Variants in TENM4 observed in about 807,000 individuals in gnomAD.
TENM4 encodes teneurin-4.
In TENM4, 82 loss-of-function variants were observed where a neutral mutation model predicts 243.3. That is an observed-to-expected ratio of 0.34 (90% CI 0.28 to 0.40). The LOEUF is 0.40. Among genes scored for constraint, TENM4 ranks in the 10% least tolerant of loss-of-function variants. TENM4 has a pLI of 1.00. For synonymous variants in TENM4, 1,412 were observed against 1,456.3 expected (o/e 0.97, Z 0.69); for missense variants, 3,138 against 3,673.3 (o/e 0.85, Z 3.77).
chr11:78,742,208 C>T lies in TENM4; in HGVS notation c.2757-3638G>A, dbSNP rs955153703. Among the ~76,000 whole-genome samples the T allele has an allele frequency of 3.3e-5, 5 of 152,078 alleles. No homozygotes were observed. The South Asian group carries it at 8.3e-4, about 25-fold the overall frequency. On this transcript the variant is annotated intron_variant, in intron 19 of 33. Transcript: ENST00000278550. ...ACCACATCTCCAGAGAGGATAAGCA[C>T]GGGATGCTGCTCTCAGAGTGTTTGT...
chr11:79,274,688 G>A (rs1336245922), intron 2 of TENM4, among the ~76,000 whole-genome samples: 1 of 152,150 alleles, frequency 6.6e-6, no homozygotes, highest in African/African-American at 2.4e-5. Flanking sequence ...GGCATTTGAT[G>A]AGTCTGTTAT....
chr11:78,993,123 A>G (rs529461245), intron 6 of TENM4, among the ~76,000 whole-genome samples: 1 of 152,308 alleles, frequency 6.6e-6, no homozygotes, highest in African/African-American at 2.4e-5. Context: ...GCCTCAATGC[A>G]AGATGAATTC....
At chr11:79,069,648 G>T (rs889813165) in intron 5 of TENM4, 74 bp downstream of exon 5, 1 of 1,471,832 alleles carries the variant, frequency 6.8e-7, no homozygotes, top group Non-Finnish European at 9.0e-7. Context: ...CCTGCGCCAC[G>T]CCCACCCGAG....
chr11:79,275,035 G>A (rs1174699472), intron 2 of TENM4, among the ~76,000 whole-genome samples: 2 of 152,074 alleles, frequency 1.3e-5, no homozygotes, highest in Non-Finnish European at 2.9e-5. Flanking sequence ...TATACACTTT[G>A]GATCCCTGTA....
chr11:78,759,657 A>G (rs1203302628), intron 18 of TENM4, among the ~76,000 whole-genome samples: 1 of 152,174 alleles, frequency 6.6e-6, no homozygotes, highest in East Asian at 1.9e-4. Flanking sequence ...GTTCTTATTA[A>G]TATCTATATT....
At chr11:78,910,527 T>C (rs1856162765) in intron 6 of TENM4, among the ~76,000 whole-genome samples, 1 of 152,250 alleles carries the variant, frequency 6.6e-6, no homozygotes, top group South Asian at 2.1e-4. Context: ...ATAGCCTGAC[T>C]TCCAGTCTCA....
chr11:78,765,760 T>C (rs1297633449), intron 18 of TENM4, among the ~76,000 whole-genome samples: 4 of 152,216 alleles, frequency 2.6e-5, no homozygotes, highest in Admixed American at 6.5e-5. Flanking sequence ...TGCAACTTTG[T>C]TGTAAAGGCT....
rs1346813068 is a variant in TENM4, at chr11:78,812,225, C to A, written c.1875G>T (p.Val625=). 2 of 1,551,958 alleles carry A rather than the reference C, an allele frequency of 1.3e-6. No homozygotes were observed. Among genetic ancestry groups the A allele is most frequent in the South Asian group, 1.2e-5 (1 of 84,066 alleles). The change falls in exon 14 of 34, where the codon GTG becomes GTT. Residue 625 remains valine (V), a synonymous_variant. Coordinates refer to ENST00000278550, the MANE Select transcript of TENM4 (RefSeq NM_001098816.3). ...HSGWKGAECD[V]PTNQCIDVAC... ...CCACATCGATACACTGGTTGGTGGG[C>A]ACATCGCACTCAGCGCCTTTCCAGC... is the stretch of plus-strand genomic sequence containing the variant.
Position 78,672,132 on chromosome 11 carries a change from C to T in TENM4, c.5694G>A (p.Arg1898=). The change falls in exon 31 of 34, where the codon AGG becomes AGA. Residue 1898 remains arginine (R), a synonymous_variant. Transcript: ENST00000278550. Reference sequence around the variant, plus strand: ...ATTCCATTCTTTCAGACATGATGCCCCTCTGGATGCCAGCAATGTAACCCC... The same window carrying T: ...ATTCCATTCTTTCAGACATGATGCCTCTCTGGATGCCAGCAATGTAACCCC... The part of the protein sequence containing the change: ...SPGGYIAGIQ[R]GIMSERMEYD... 2 of 1,613,892 alleles carry T rather than the reference C, an allele frequency of 1.2e-6. No individual in the cohort carries two copies. The highest frequency in any genetic ancestry group is 1.7e-6 in the Non-Finnish European group (2 of 1,179,840).
rs1254149826 is a variant in TENM4 at position 79,064,799 on chromosome 11, C to A, written c.432G>T (p.Leu144=). ...RSTRSGRSSC[L]SSRANSNLTL... ...TGAGATTGGAATTGGCCCGGCTGGA[C>A]AGGCAGGAGCTGCGCCCTGACCGTG... Residue 144 remains leucine (L), a synonymous_variant, in exon 6 of 34, where the codon CTG becomes CTT. Coordinates refer to ENST00000278550, the MANE Select transcript of TENM4 (RefSeq NM_001098816.3). 1.3e-6 allele frequency: 2 copies of A among 1,551,602 alleles called. No individual in the cohort carries two copies. The highest frequency in any genetic ancestry group is 1.4e-5 in the African/African-American group (1 of 73,164).
At chr11:79,225,206 G>A (rs75703842) in intron 2 of TENM4, among the ~76,000 whole-genome samples, 7 of 152,256 alleles carry the variant, frequency 4.6e-5, no homozygotes, top group African/African-American at 9.6e-5. Context: ...ACTTTGTTCC[G>A]TCAGCCCTAG....
At chr11:79,185,301 CA>C (rs1863361339) in intron 3 of TENM4, among the ~76,000 whole-genome samples, 1 of 151,308 alleles carries the variant, frequency 6.6e-6, no homozygotes, top group Admixed American at 6.6e-5. Flanking sequence ...CCCTGTCTCA[CA>C]AAAAACTACA....
chr11:79,117,920 G>T (rs927697028), intron 4 of TENM4, among the ~76,000 whole-genome samples: 13 of 152,098 alleles, frequency 8.5e-5, no homozygotes, highest in African/African-American at 2.9e-4. Context: ...CCTGCGCAGG[G>T]AACACACATA....
At chr11:78,814,891 C>T (rs1215293042) in intron 12 of TENM4, among the ~76,000 whole-genome samples, 4 of 152,202 alleles carry the variant, frequency 2.6e-5, no homozygotes, top group Admixed American at 6.5e-5. Flanking sequence ...AGGTCCCCAC[C>T]GTCTCTCACT....
chr11:78,977,509 G>A (rs1565151888), intron 6 of TENM4, among the ~76,000 whole-genome samples: 2 of 152,204 alleles, frequency 1.3e-5, no homozygotes, highest in African/African-American at 2.4e-5. Flanking sequence ...GCAAATCCAG[G>A]TCTGACTCCA....
At position 78,670,146 on chromosome 11, in the gene TENM4, G is replaced by T. The variant is rs766812511; in HGVS notation, c.6199C>A (p.Gln2067Lys). ...CCTTCCTCAGTGAAGCGGAAGATCT[G>T]TCGGTCAATCAGGGGCCCAATCTGA... ...YRQIGPLIDR[Q>K]IFRFTEEGMV... Residue 2067 changes from glutamine to lysine, a missense_variant, in exon 32 of 34, where the codon CAG becomes AAG. Gln to Lys is a moderately conservative substitution (Grantham distance 53). Coordinates refer to ENST00000278550, the MANE Select transcript of TENM4 (RefSeq NM_001098816.3). The T allele has an allele frequency of 6.2e-7, 1 of 1,613,834 alleles. No individual in the cohort carries two copies. Among genetic ancestry groups the T allele is most frequent in the East Asian group, 2.2e-5 (1 of 44,888 alleles).
Position 78,698,404 on chromosome 11 carries a change from A to AAACCAACC in TENM4, c.5087+3114_5087+3121dup, listed in dbSNP as rs375751143. 6.9e-3 allele frequency among the ~76,000 whole-genome samples: 1,048 copies of AAACCAACC among 151,870 alleles called. 8 individuals carry two copies. The highest frequency in any genetic ancestry group is 0.023 in the African/African-American group (957 of 41,304). On this transcript the variant is annotated intron_variant, in intron 28 of 33. Coordinates refer to ENST00000278550, the MANE Select transcript of TENM4 (RefSeq NM_001098816.3). ...TCCATTTCAAAAACCAAACCGAACC[A>AAACCAACC]AACCAACCAACCAACCAACCAAACA...
intron 9 of TENM4, among the ~76,000 whole-genome samples, chr11:78,880,457 TAAA>T (rs71763484): frequency 0.01 from 1,064 of 104,040 alleles, 5 homozygotes; most frequent in African/African-American, 0.065. Context: ...CAATAAATAC[TAAA>T]AAAAAAAAAA....
chr11:79,064,883 G>C lies in TENM4; in HGVS notation c.348C>G (p.Asp116Glu). The C allele has an allele frequency of 6.5e-7, 1 of 1,550,330 alleles. No homozygotes were observed. The highest frequency in any genetic ancestry group is 8.7e-7 in the Non-Finnish European group (1 of 1,146,222). The part of the protein sequence containing the change: ...GYSMGAGSDA[D>E]MEADTVLSPE... Reference sequence around the variant, plus strand: ...GGGACAGCACCGTGTCAGCCTCCATGTCGGCATCAGAGCCAGCCCCCATGG... The same window carrying C: ...GGGACAGCACCGTGTCAGCCTCCATCTCGGCATCAGAGCCAGCCCCCATGG... Residue 116 changes from aspartate (D) to glutamate (E), a missense_variant, in exon 6 of 34, where the codon GAC (aspartate) becomes GAG (glutamate). Coordinates refer to ENST00000278550, the MANE Select transcript of TENM4 (RefSeq NM_001098816.3).
Sources: gnomAD v4.1 joint callset for allele counts (sites outside exome capture counted in the v4.1 genomes callset) on GRCh38, gnomAD v4.1.1 for gene constraint, MANE v1.5 for transcripts, NCBI Gene and HGNC (gene_info 2026-07-23, HGNC 2026-07-21) for gene names.